Variants in ELP4 observed in about 807,000 individuals in gnomAD.
The protein encoded by ELP4 is elongator acetyltransferase complex subunit 4.
ELP4 carries 51 observed loss-of-function variants against 48.9 expected under a neutral mutation model. The ratio of observed to expected loss-of-function variants is 1.04; its 90% CI spans 0.83 to 1.32. The LOEUF (loss-of-function observed/expected upper bound fraction) is 1.32. Among genes scored for constraint, ELP4 ranks in the 40% most tolerant of loss-of-function variants. ELP4 has a pLI of 0.00. For synonymous variants in ELP4, 210 were observed against 189.2 expected (o/e 1.11, Z -0.90); for missense variants, 519 against 514.6 (o/e 1.01, Z -0.08).
chr11:31,727,423 C>T (rs569078029), intron 9 of ELP4, among the ~76,000 whole-genome samples: 1 of 152,148 alleles, frequency 6.6e-6, no homozygotes, highest in East Asian at 1.9e-4. Context: ...AGCACTTCTC[C>T]TTAAAGAATA....
At chr11:31,628,941 A>G (rs1944802929) in intron 6 of ELP4, among the ~76,000 whole-genome samples, 3 of 152,086 alleles carry the variant, frequency 2.0e-5, no homozygotes, top group Admixed American at 6.6e-5. Context: ...ATGTTCTGAC[A>G]TTGAAATAAA....
intron 9 of ELP4, among the ~76,000 whole-genome samples, chr11:31,678,541 G>A (rs902897568): frequency 5.5e-4 from 39 of 71,300 alleles, no homozygotes; most frequent in Middle Eastern, 7.6e-3. Flanking sequence ...GTGTGTGTGT[G>A]TATATGTGCA....
intron 3 of ELP4, among the ~76,000 whole-genome samples, chr11:31,586,661 A>G (rs764212471): frequency 2.7e-4 from 41 of 151,772 alleles, no homozygotes; most frequent in Non-Finnish European, 5.2e-4. Flanking sequence ...TTTTTGAGAC[A>G]GAGTCTTGCT....
At chr11:31,719,725 A>G (rs1174399077) in intron 9 of ELP4, 22 of 350,270 alleles carry the variant, frequency 6.3e-5, no homozygotes, top group Non-Finnish European at 1.0e-4. Context: ...ATAAACAAAT[A>G]CTGACTTTTC....
intron 9 of ELP4, among the ~76,000 whole-genome samples, chr11:31,708,549 G>C (rs896966737): frequency 4.0e-5 from 6 of 151,874 alleles, no homozygotes; most frequent in Non-Finnish European, 4.4e-5. Context: ...GCCAGATCTG[G>C]AGATCAAAAA....
intron 3 of ELP4, among the ~76,000 whole-genome samples, chr11:31,554,598 T>TAAA (rs1193833614): frequency 2.0e-5 from 3 of 152,140 alleles, no homozygotes; most frequent in Non-Finnish European, 4.4e-5. Flanking sequence ...ACACTTTAGA[T>TAAA]GTACTGTTTT....
chr11:31,742,523 G>T (rs1947478873), intron 9 of ELP4, among the ~76,000 whole-genome samples: 1 of 152,140 alleles, frequency 6.6e-6, no homozygotes, highest in Admixed American at 6.5e-5. Context: ...ACCCACAAAG[G>T]GAAGCCCATC....
At chr11:31,757,000 T>C (rs762815602) in intron 9 of ELP4, among the ~76,000 whole-genome samples, 8 of 152,226 alleles carry the variant, frequency 5.3e-5, no homozygotes, top group South Asian at 2.1e-4. Context: ...GATTTTTAAC[T>C]TCTTCGCCAT....
Position 31,643,047 on chromosome 11 carries a change from A to G in ELP4, c.928-4694A>G, listed in dbSNP as rs1236551603. ...CCTATATTCATGTTCTCTGCATATC[A>G]TTTTTCAGAAAATGTTATAAATTGA... On this transcript the variant is annotated intron_variant, in intron 7 of 9. Transcript: ENST00000640961. 5.9e-5 allele frequency among the ~76,000 whole-genome samples: 9 copies of G among 151,824 alleles called. No homozygotes were observed. In the East Asian group the frequency reaches 1.8e-3, roughly 30 times the overall value.
intron 9 of ELP4, chr11:31,663,442 A>G (rs1945604285): frequency 6.6e-6 from 1 of 152,024 alleles, no homozygotes; most frequent in South Asian, 2.1e-4. Flanking sequence ...TTTTATTATA[A>G]TCTACTTAAG....
chr11:31,558,487 T>C (rs1203552155), intron 3 of ELP4, among the ~76,000 whole-genome samples: 1 of 152,190 alleles, frequency 6.6e-6, no homozygotes, highest in Admixed American at 6.5e-5. Flanking sequence ...GAATTTTGCA[T>C]GCAGAAAAGT....
At chr11:31,536,157 A>G (rs192600026) in intron 2 of ELP4, among the ~76,000 whole-genome samples, 1 of 152,248 alleles carries the variant, frequency 6.6e-6, no homozygotes, top group East Asian at 1.9e-4. Flanking sequence ...TCCCTTCAGC[A>G]AGTAGTTGAT....
At chr11:31,568,516 C>T (rs555427850) in intron 3 of ELP4, among the ~76,000 whole-genome samples, 6 of 152,174 alleles carry the variant, frequency 3.9e-5, no homozygotes, top group East Asian at 1.9e-4. Context: ...TCACATTACC[C>T]GACCTCAAAC....
chr11:31,655,279 A>G (rs1945407238), intron 9 of ELP4, among the ~76,000 whole-genome samples: 1 of 151,978 alleles, frequency 6.6e-6, no homozygotes, highest in Non-Finnish European at 1.5e-5. Flanking sequence ...TGCCATAGTT[A>G]ACCTATCAAA....
At chr11:31,744,789 A>C (rs1291289702) in intron 9 of ELP4, among the ~76,000 whole-genome samples, 8 of 152,032 alleles carry the variant, frequency 5.3e-5, no homozygotes, top group Admixed American at 3.9e-4. Flanking sequence ...TATCATACTG[A>C]ATGGGCAAAA....
At chr11:31,737,315 T>C (rs923625519) in intron 9 of ELP4, among the ~76,000 whole-genome samples, 1 of 151,930 alleles carries the variant, frequency 6.6e-6, no homozygotes, top group African/African-American at 2.4e-5. Flanking sequence ...CTGGGGCCTG[T>C]TGTGGGGTAG....
At chr11:31,544,091 C>T (rs1451345715) in intron 3 of ELP4, among the ~76,000 whole-genome samples, 1 of 152,232 alleles carries the variant, frequency 6.6e-6, no homozygotes, top group South Asian at 2.1e-4. Context: ...CGGGTGATTT[C>T]TGCATTTCCA....
intron 6 of ELP4, among the ~76,000 whole-genome samples, chr11:31,630,378 G>C (rs1944837011): frequency 6.6e-6 from 1 of 150,870 alleles, no homozygotes; most frequent in Admixed American, 6.6e-5. Context: ...ACCCAGGCTG[G>C]AGTGAGGTGG....
intron 3 of ELP4, among the ~76,000 whole-genome samples, chr11:31,554,902 G>C (rs1429219100): frequency 3.3e-5 from 5 of 152,092 alleles, no homozygotes; most frequent in Non-Finnish European, 7.4e-5. Flanking sequence ...CATTAGATTT[G>C]TTTTTATGTA....
Sources: allele counts gnomAD v4.1 joint callset (sites outside exome capture counted in the v4.1 genomes callset), GRCh38; gene constraint gnomAD v4.1.1; transcripts MANE v1.5; gene names NCBI Gene and HGNC (gene_info 2026-07-23, HGNC 2026-07-21).